The following PLCB1 variants were observed in gnomAD, a reference collection of about 807,000 sequenced individuals.
The protein encoded by PLCB1 is phospholipase C beta 1, also known as 1-phosphatidylinositol 4,5-bisphosphate phosphodiesterase beta-1.
In PLCB1, 46 loss-of-function variants were observed where a neutral mutation model predicts 161.8. The ratio of observed to expected loss-of-function variants is 0.28; its 90% CI spans 0.22 to 0.36. The LOEUF is 0.36. PLCB1 is among the 10% of genes least tolerant of loss of function. The probability of loss-of-function intolerance (pLI) is 1.00; values close to 1 mark genes in which losing one functional copy is unlikely to be tolerated. For missense variants in PLCB1, 1,016 were observed against 1,472.5 expected (o/e 0.69, Z 5.07); for synonymous variants, 517 against 503.7 (o/e 1.03, Z -0.35).
At chr20:8,655,940 T>TTC (rs1301981862) in intron 7 of PLCB1, among the ~76,000 whole-genome samples, 1 of 152,018 alleles carries the variant, frequency 6.6e-6, no homozygotes, top group East Asian at 1.9e-4. Flanking sequence ...CTAAAGAGAT[T>TTC]TCTCTCTTTC....
intron 3 of PLCB1, among the ~76,000 whole-genome samples, chr20:8,556,043 C>G (rs973768848): frequency 2.6e-5 from 4 of 151,842 alleles, no homozygotes; most frequent in Non-Finnish European, 4.4e-5. Flanking sequence ...TGTTGGGAAG[C>G]CCATCTTTGC....
intron 4 of PLCB1, among the ~76,000 whole-genome samples, chr20:8,641,146 C>T (rs1440596870): frequency 1.3e-5 from 2 of 152,300 alleles, no homozygotes; most frequent in East Asian, 1.9e-4. Flanking sequence ...CAAACCCTTA[C>T]ACAAAAGCTT....
chr20:8,480,984 G>C (rs1982475387), intron 3 of PLCB1, among the ~76,000 whole-genome samples: 1 of 152,014 alleles, frequency 6.6e-6, no homozygotes, highest in African/African-American at 2.4e-5. Context: ...CGTACCTGTA[G>C]TCCCACGTAC....
At chr20:8,269,881 G>A (rs1224647063) in intron 2 of PLCB1, among the ~76,000 whole-genome samples, 3 of 151,144 alleles carry the variant, frequency 2.0e-5, no homozygotes, top group Non-Finnish European at 2.9e-5. Flanking sequence ...TTTGTGAAAT[G>A]TAGATCTTTT....
At chr20:8,848,450 T>G (rs1986769580) in intron 31 of PLCB1, among the ~76,000 whole-genome samples, 1 of 152,178 alleles carries the variant, frequency 6.6e-6, no homozygotes. Context: ...GGGGCCCTAT[T>G]CTAAATCTAC....
At chr20:8,518,233 T>C (rs1219833621) in intron 3 of PLCB1, among the ~76,000 whole-genome samples, 1 of 152,182 alleles carries the variant, frequency 6.6e-6, no homozygotes, top group Non-Finnish European at 1.5e-5. Flanking sequence ...GTTCTCGCTC[T>C]GTCACCCAGG....
intron 2 of PLCB1, among the ~76,000 whole-genome samples, chr20:8,192,481 C>T (rs1286104673): frequency 6.6e-6 from 1 of 151,750 alleles, no homozygotes; most frequent in Admixed American, 6.6e-5. Context: ...AGTATCTTAA[C>T]ATCAGTGCTT....
intron 2 of PLCB1, among the ~76,000 whole-genome samples, chr20:8,360,386 G>T (rs1245018385): frequency 6.6e-6 from 1 of 152,178 alleles, no homozygotes; most frequent in Admixed American, 6.5e-5. Context: ...GTTCCTGCAG[G>T]AGCTTTAGGC....
At chr20:8,817,673 A>G (rs1568611146) in intron 31 of PLCB1, among the ~76,000 whole-genome samples, 1 of 152,216 alleles carries the variant, frequency 6.6e-6, no homozygotes, top group Non-Finnish European at 1.5e-5. Context: ...ACCTTAAACT[A>G]TTACTACAGA....
At chr20:8,722,202 C>T (rs1021569264) in intron 14 of PLCB1, 152 bp from the exon 15 acceptor site, 157 of 530,530 alleles carry the variant, frequency 3.0e-4, no homozygotes, top group Admixed American at 2.1e-4. Context: ...TTTTCTATAA[C>T]GAATAAAATT....
At chr20:8,561,244 A>G (rs1281128895) in intron 3 of PLCB1, among the ~76,000 whole-genome samples, 1 of 151,990 alleles carries the variant, frequency 6.6e-6, no homozygotes, top group African/African-American at 2.4e-5. Flanking sequence ...TACACTTTCT[A>G]GTCTAAAGGA....
chr20:8,440,304 A>G (rs1980501023), intron 3 of PLCB1, among the ~76,000 whole-genome samples: 2 of 152,224 alleles, frequency 1.3e-5, no homozygotes, highest in Non-Finnish European at 2.9e-5. Context: ...TGTGACTCCC[A>G]TAGCTAGTAT....
chr20:8,353,480 T>C (rs1986252378), intron 2 of PLCB1, among the ~76,000 whole-genome samples: 3 of 151,574 alleles, frequency 2.0e-5, no homozygotes, highest in Non-Finnish European at 4.4e-5. Context: ...GGATAAAGAG[T>C]AATTGTGATG....
intron 2 of PLCB1, among the ~76,000 whole-genome samples, chr20:8,339,950 A>G (rs1229159173): frequency 1.3e-5 from 2 of 152,180 alleles, no homozygotes; most frequent in Admixed American, 1.3e-4. Flanking sequence ...CAACAAAGTA[A>G]GACCCTGTCT....
intron 10 of PLCB1, among the ~76,000 whole-genome samples, chr20:8,688,098 A>AT (rs1210389610): frequency 1.3e-5 from 2 of 152,036 alleles, no homozygotes; most frequent in Non-Finnish European, 2.9e-5. Flanking sequence ...GATGTTGAGC[A>AT]TTTTTTCATA....
intron 26 of PLCB1, among the ~76,000 whole-genome samples, chr20:8,767,873 G>A (rs1045562085): frequency 1.3e-5 from 2 of 152,170 alleles, no homozygotes; most frequent in Non-Finnish European, 2.9e-5. Context: ...TCACAGTTTT[G>A]GAGGCTAGGA....
At chr20:8,516,729 A>G (rs1428309535) in intron 3 of PLCB1, among the ~76,000 whole-genome samples, 1 of 142,202 alleles carries the variant, frequency 7.0e-6, no homozygotes, top group African/African-American at 2.6e-5. Flanking sequence ...TTTTGATGCT[A>G]TATACTACTA....
intron 11 of PLCB1, among the ~76,000 whole-genome samples, chr20:8,704,118 C>A (rs1397875771): frequency 2.6e-5 from 4 of 152,152 alleles, no homozygotes; most frequent in African/African-American, 7.2e-5. Flanking sequence ...CTTTGGGAGG[C>A]TGAAGCAGGC....
chr20:8,866,178 A>G (rs1987422549), intron 31 of PLCB1, among the ~76,000 whole-genome samples: 2 of 152,176 alleles, frequency 1.3e-5, no homozygotes, highest in African/African-American at 4.8e-5. Context: ...CACCACACTT[A>G]CGTGACGAAG....
Sources: gnomAD v4.1 joint callset for allele counts (sites outside exome capture counted in the v4.1 genomes callset) on GRCh38, gnomAD v4.1.1 for gene constraint, MANE v1.5 for transcripts, NCBI Gene and HGNC (gene_info 2026-07-23, HGNC 2026-07-21) for gene names.